Variants in SYF2 observed in about 807,000 individuals in gnomAD.
The protein encoded by SYF2 is SYF2 pre-mRNA splicing factor.
SYF2 carries 21 observed loss-of-function variants against 32.7 expected under a neutral mutation model. The observed-to-expected ratio is 0.64, with a 90% CI of 0.45 to 0.92. The LOEUF is 0.92. Among genes scored for constraint, SYF2 ranks in the 40% least tolerant of loss-of-function variants. The pLI is 0.00. For missense variants in SYF2, 278 were observed against 296.5 expected (o/e 0.94, Z 0.46); for synonymous variants, 114 against 103.9 (o/e 1.10, Z -0.59).
intron 1 of SYF2, 96 bp downstream of exon 1, chr1:25,232,348 C>T: frequency 1.9e-6 from 3 of 1,606,936 alleles, no homozygotes; most frequent in Non-Finnish European, 2.6e-6. Flanking sequence ...TCTGAGCCTC[C>T]CTGAAGCGAA....
chr1:25,225,103 GA>G lies in SYF2; in HGVS notation c.468-4del. Reference sequence around the variant, plus strand: ...ATGTTGGGAAAAACTCTTCTCCACTGAAAAGGCAGCAAAATGAACTTACAGT... The same window carrying G: ...ATGTTGGGAAAAACTCTTCTCCACTGAAAGGCAGCAAAATGAACTTACAGT... On this transcript the variant is annotated splice_region_variant and splice_polypyrimidine_tract_variant and intron_variant, in intron 5 of 6. Coordinates refer to ENST00000236273, the MANE Select transcript of SYF2 (RefSeq NM_015484.5). 1 of 1,605,744 alleles carries G rather than the reference GA, an allele frequency of 6.2e-7. No individual in the cohort carries two copies. The highest frequency in any genetic ancestry group is 8.5e-7 in the Non-Finnish European group (1 of 1,172,434).
intron 1 of SYF2, 31 bp downstream of exon 1, chr1:25,232,413 A>T (rs759138726): frequency 6.2e-7 from 1 of 1,614,070 alleles, no homozygotes; most frequent in Non-Finnish European, 8.5e-7. Flanking sequence ...CTCACCAACA[A>T]AACCCCCGGT....
chr1:25,232,269 C>T (rs895216316), intron 1 of SYF2, 58 bp from the exon 2 acceptor site: 1 of 1,567,820 alleles, frequency 6.4e-7, no homozygotes, highest in Non-Finnish European at 8.7e-7. Context: ...CAGGACTGCC[C>T]AGGCCGAGTC....
rs1270472173 is a variant in SYF2, at chr1:25,232,190, C to T, written c.46G>A (p.Glu16Lys). The T allele has an allele frequency of 2.5e-6, 4 of 1,613,812 alleles. No individual in the cohort carries two copies. The highest frequency in any genetic ancestry group is 2.2e-5 in the East Asian group (1 of 44,886). Residue 16 changes from glutamate to lysine, a missense_variant, in exon 2 of 7, where the codon GAG becomes AAG. Glu to Lys is a moderately conservative substitution (Grantham distance 56). Transcript: ENST00000236273. Reference protein sequence around the residue: ...ASEVLVDSAEEGSLAAAAELA... With the variant: ...ASEVLVDSAEKGSLAAAAELA... ...TCCGCCGCCGCAGCGAGGGACCCCT[C>T]CTCCGCGCTGTCCACCAGCACCTGC...
At chr1:25,231,822 A>G (rs570245895) in intron 2 of SYF2, 112 of 520,300 alleles carry the variant, frequency 2.2e-4, no homozygotes, top group Non-Finnish European at 3.1e-4. Flanking sequence ...GGAATCACGG[A>G]GCAGGGAGGT....
chr1:25,232,297 G>A (rs2124515049), intron 1 of SYF2, 86 bp from the exon 2 acceptor site: 2 of 1,581,394 alleles, frequency 1.3e-6, no homozygotes, highest in South Asian at 2.3e-5. Flanking sequence ...GTCCCCACAG[G>A]CTGGGCCTAG....
At chr1:25,232,300 G>T in intron 1 of SYF2, 89 bp from the exon 2 acceptor site, 10 of 1,577,978 alleles carry the variant, frequency 6.3e-6, no homozygotes, top group Non-Finnish European at 6.9e-6. Flanking sequence ...CCCACAGGCT[G>T]GGCCTAGGGC....
At chr1:25,231,366 T>G (rs906301031) in intron 2 of SYF2, 1 of 152,230 alleles carries the variant, frequency 6.6e-6, no homozygotes, top group African/African-American at 2.4e-5. Flanking sequence ...CAGCAAGCTA[T>G]TTGCTGGACT....
At chr1:25,232,397 G>A in intron 1 of SYF2, 47 bp downstream of exon 1, 1 of 1,614,034 alleles carries the variant, frequency 6.2e-7, no homozygotes. Context: ...GCCGCTCCCC[G>A]GAACCCTCAC....
chr1:25,225,419 T>G (rs890410125), intron 5 of SYF2, among the ~76,000 whole-genome samples: 2 of 151,878 alleles, frequency 1.3e-5, no homozygotes, highest in Non-Finnish European at 2.9e-5. Flanking sequence ...TCCCAGCTAC[T>G]TGGGAGGCTG....
At chr1:25,224,859 T>A (rs759145697) in intron 6 of SYF2, 143 bp downstream of exon 6, 4 of 645,564 alleles carry the variant, frequency 6.2e-6, no homozygotes, top group Non-Finnish European at 1.1e-5. Flanking sequence ...CAAGCCACTA[T>A]AGACAGGTCA....
intron 2 of SYF2, chr1:25,231,845 A>T (rs1433528028): frequency 3.6e-6 from 2 of 558,642 alleles, no homozygotes; most frequent in South Asian, 2.0e-5. Context: ...TTAGTAATGG[A>T]GACTCCCAAA....
chr1:25,226,052 G>A (rs778702407), intron 5 of SYF2, among the ~76,000 whole-genome samples: 26 of 151,806 alleles, frequency 1.7e-4, no homozygotes, highest in South Asian at 1.7e-3. Context: ...CAGCTACTTG[G>A]CAGAAGAATC....
In SYF2 at chr1:25,223,065, T is replaced by C. The variant is rs905042422; in HGVS notation, c.*201A>G. 4.4e-6 allele frequency: 2 copies of C among 455,236 alleles called. No individual in the cohort carries two copies. The highest frequency in any genetic ancestry group is 1.2e-3 in the Middle Eastern group (2 of 1,632). 28.2% of individuals were successfully genotyped at this position (455,236 alleles called of 1,614,324 possible). ...AAACAACTTCACTACAAGAAATACA[T>C]CTTATATCCAAGCACAAAAATGTGG... On this transcript the variant is annotated 3_prime_UTR_variant, in exon 7 of 7. Transcript: ENST00000236273.
chr1:25,229,152 G>C, intron 2 of SYF2, 29 bp from the exon 3 acceptor site: 3 of 1,603,172 alleles, frequency 1.9e-6, no homozygotes, highest in Non-Finnish European at 2.6e-6. Flanking sequence ...AAGTCTGTCA[G>C]CTAAAACATG....
At position 25,225,065 on chromosome 1, in the gene SYF2, A is replaced by C; in HGVS notation, c.503T>G (p.Leu168Arg). 6.2e-7 allele frequency: 1 copy of C among 1,614,094 alleles called. No homozygotes were observed. Among genetic ancestry groups the C allele is most frequent in the African/African-American group, 1.3e-5 (1 of 75,062 alleles). ...TGTGGAAGGCACATGTGTTCCATGA[A>C]GAAGACTATTGGATGTTGGGAAAAA... is the stretch of plus-strand genomic sequence containing the variant. ...EEFFPTSNSL[L>R]HGTHVPSTEE... Residue 168 changes from leucine to arginine, a missense_variant, in exon 6 of 7, where the codon CTT becomes CGT. Leu to Arg is a moderately radical substitution (Grantham distance 102). Transcript: ENST00000236273.
At chr1:25,228,305 G>C in intron 3 of SYF2, 70 bp from the exon 4 acceptor site, 1 of 1,263,606 alleles carries the variant, frequency 7.9e-7, no homozygotes. Context: ...TTTACATCAA[G>C]AAAGATCCAA....
chr1:25,224,029 A>G (rs1638458599), intron 6 of SYF2, among the ~76,000 whole-genome samples: 1 of 152,098 alleles, frequency 6.6e-6, no homozygotes, highest in Non-Finnish European at 1.5e-5. Flanking sequence ...CCCCGTCTCT[A>G]CTAAAAATAC....
intron 3 of SYF2, among the ~76,000 whole-genome samples, chr1:25,228,652 A>G (rs1186924259): frequency 6.6e-6 from 1 of 152,124 alleles, no homozygotes; most frequent in Non-Finnish European, 1.5e-5. Flanking sequence ...ATAGCATTTA[A>G]AGGAAATTTG....
Sources: gnomAD v4.1 joint callset for allele counts (sites outside exome capture counted in the v4.1 genomes callset) on GRCh38, gnomAD v4.1.1 for gene constraint, MANE v1.5 for transcripts, NCBI Gene and HGNC (gene_info 2026-07-23, HGNC 2026-07-21) for gene names.